The following NAALADL2 variants were observed in gnomAD, a reference collection of about 807,000 sequenced individuals.
NAALADL2 encodes the protein inactive N-acetylated-alpha-linked acidic dipeptidase-like protein 2.
Under a neutral mutation model 87.2 loss-of-function variants are expected in NAALADL2, and 76 were observed. The ratio of observed to expected loss-of-function variants is 0.87; its 90% CI spans 0.72 to 1.05. The LOEUF (loss-of-function observed/expected upper bound fraction) is 1.05, where lower values mean the gene tolerates loss of function less well. Ranked by LOEUF, NAALADL2 falls within the 50% of genes least tolerant of loss-of-function variation. The pLI is 0.00. For synonymous variants in NAALADL2, 354 were observed against 331.0 expected, an observed-to-expected ratio of 1.07 and a Z score of -0.75; for missense variants, 1,089 against 945.8, an observed-to-expected ratio of 1.15 and a Z score of -1.99.
intron 3 of NAALADL2, among the ~76,000 whole-genome samples, chr3:174,756,166 A>T (rs1449334862): frequency 6.6e-6 from 1 of 152,228 alleles, no homozygotes; most frequent in Admixed American, 6.5e-5. Flanking sequence ...TAAACAAATC[A>T]AAATTATAGC....
intron 5 of NAALADL2, among the ~76,000 whole-genome samples, chr3:175,442,562 A>G (rs574732134): frequency 6.6e-6 from 1 of 152,330 alleles, no homozygotes; most frequent in African/African-American, 2.4e-5. Flanking sequence ...TGACAATAGT[A>G]TCGTAGTGAA....
At chr3:175,196,982 T>TA (rs1045079625) in intron 2 of NAALADL2, among the ~76,000 whole-genome samples, 1 of 152,002 alleles carries the variant, frequency 6.6e-6, no homozygotes, top group Non-Finnish European at 1.5e-5. Flanking sequence ...GGTATTGCAC[T>TA]AAAAAATAAG....
At chr3:174,457,923 G>A (rs1715952110) in intron 1 of NAALADL2, among the ~76,000 whole-genome samples, 1 of 152,156 alleles carries the variant, frequency 6.6e-6, no homozygotes, top group Non-Finnish European at 1.5e-5. Flanking sequence ...TCACTTATAA[G>A]TGGGAGCTAA....
At chr3:174,651,239 T>A (rs1724328275) in intron 2 of NAALADL2, among the ~76,000 whole-genome samples, 1 of 152,200 alleles carries the variant, frequency 6.6e-6, no homozygotes, top group African/African-American at 2.4e-5. Context: ...TTAAGTTCCT[T>A]GGTTACCAAC....
intron 1 of NAALADL2, among the ~76,000 whole-genome samples, chr3:174,947,039 T>G (rs1739530561): frequency 6.6e-6 from 1 of 152,154 alleles, no homozygotes; most frequent in Non-Finnish European, 1.5e-5. Context: ...TCACCTCAGC[T>G]CAAAGCCATA....
intron 5 of NAALADL2, among the ~76,000 whole-genome samples, chr3:175,370,396 C>T (rs968356747): frequency 5.3e-5 from 8 of 151,486 alleles, no homozygotes; most frequent in Non-Finnish European, 1.0e-4. Flanking sequence ...ACCATAAAAC[C>T]CCATATAAAA....
chr3:175,607,858 G>A (rs1723983820), intron 10 of NAALADL2, among the ~76,000 whole-genome samples: 2 of 151,666 alleles, frequency 1.3e-5, no homozygotes, highest in Admixed American at 6.6e-5. Flanking sequence ...AGCTAGGAAT[G>A]AGAAACAATG....
intron 9 of NAALADL2, among the ~76,000 whole-genome samples, chr3:175,506,784 A>G (rs1730383216): frequency 6.6e-6 from 1 of 152,212 alleles, no homozygotes; most frequent in Non-Finnish European, 1.5e-5. Context: ...GTCATCATGC[A>G]TAAATATTCT....
intron 2 of NAALADL2, among the ~76,000 whole-genome samples, chr3:174,731,016 T>C (rs1732651963): frequency 6.6e-6 from 1 of 152,146 alleles, no homozygotes; most frequent in South Asian, 2.1e-4. Context: ...TAGGGAGTGC[T>C]AGCTAATTAT....
chr3:175,315,700 T>C (rs1219057562), intron 4 of NAALADL2, among the ~76,000 whole-genome samples: 1 of 152,176 alleles, frequency 6.6e-6, no homozygotes. Context: ...AGTATAAAAT[T>C]AGAGCTGAAA....
chr3:174,589,469 T>C (rs1717119944), intron 2 of NAALADL2, among the ~76,000 whole-genome samples: 1 of 152,206 alleles, frequency 6.6e-6, no homozygotes, highest in African/African-American at 2.4e-5. Flanking sequence ...CTGGGAGCTG[T>C]AGACTGGAGC....
At position 175,143,244 on chromosome 3, in the gene NAALADL2, C is replaced by T. The variant is rs553857320; in HGVS notation, c.545+45953C>T. ...AATAGTGTCCATCTTGCAGTTCGTT[C>T]GCAATATATTTCCCCACGTTTTAGT... is the stretch of plus-strand genomic sequence containing the variant. On this transcript the variant is annotated intron_variant, in intron 2 of 13. Transcript: ENST00000454872. Among the ~76,000 whole-genome samples, 12 of 152,008 alleles carry T rather than the reference C, an allele frequency of 7.9e-5. No homozygotes were observed. The East Asian group carries it at 1.2e-3, about 15-fold the overall frequency.
At chr3:175,246,259 T>C (rs1560224466) in intron 3 of NAALADL2, among the ~76,000 whole-genome samples, 1 of 152,164 alleles carries the variant, frequency 6.6e-6, no homozygotes. Context: ...TATATGATAG[T>C]AGGAAATTTC....
At position 174,953,302 on chromosome 3, in the gene NAALADL2, TCCCCTCCCCTCCCCTCCCCTCCCCTCCC is replaced by T. The variant is rs1740659483; in HGVS notation, c.43+93854_43+93881del. Among the ~76,000 whole-genome samples, 11 of 61,184 alleles carry T rather than the reference TCCCCTCCCCTCCCCTCCCCTCCCCTCCC, an allele frequency of 1.8e-4. 1 individual carries two copies. The highest frequency in any genetic ancestry group is 2.8e-3 in the East Asian group (1 of 356). The allele number at this position is 61,184 out of a possible 152,430, so 40.1% of individuals were successfully genotyped here. A position where few individuals can be genotyped will look rare whatever the true frequency, so the allele number is the denominator to read the frequency against. Reference sequence around the variant, plus strand: ...AGGACCCAATCTTTCTTGCCTCCCCTCCCCTCCCCTCCCCTCCCCTCCCCTCCCCTCCCCTCCCCTCCCCTCCTCTTTC... The same window carrying T: ...AGGACCCAATCTTTCTTGCCTCCCCTCTCCCCTCCCCTCCCCTCCTCTTTC... On this transcript the variant is annotated intron_variant, in intron 1 of 13. Coordinates refer to ENST00000454872, the MANE Select transcript of NAALADL2 (RefSeq NM_207015.3).
At chr3:175,781,346 G>A (rs934402460) in intron 13 of NAALADL2, among the ~76,000 whole-genome samples, 3 of 152,090 alleles carry the variant, frequency 2.0e-5, no homozygotes, top group Non-Finnish European at 4.4e-5. Flanking sequence ...GGTCTCATAA[G>A]ATTATAATGG....
intron 2 of NAALADL2, among the ~76,000 whole-genome samples, chr3:174,713,728 A>C (rs1351633447): frequency 7.3e-5 from 11 of 151,340 alleles, no homozygotes; most frequent in African/African-American, 1.7e-4. Context: ...AGATTGCAAA[A>C]ATTTTCTCCC....
chr3:175,120,755 G>T lies in NAALADL2; in HGVS notation c.545+23464G>T, dbSNP rs540435336. On this transcript the variant is annotated intron_variant, in intron 2 of 13. Coordinates refer to ENST00000454872, the MANE Select transcript of NAALADL2 (RefSeq NM_207015.3). ...TATTGTTTTATTATTGACCCTTTTTGTTCTTTGAAAACCCCAAACAAAACT... is the reference window on the plus strand; with the variant it reads ...TATTGTTTTATTATTGACCCTTTTTTTTCTTTGAAAACCCCAAACAAAACT... Among the ~76,000 whole-genome samples the T allele has an allele frequency of 3.3e-5, 5 of 151,620 alleles. No homozygotes were observed. The East Asian group carries it at 7.8e-4, about 24-fold the overall frequency.
intron 11 of NAALADL2, among the ~76,000 whole-genome samples, chr3:175,697,187 T>C (rs984098260): frequency 6.6e-6 from 1 of 152,052 alleles, no homozygotes; most frequent in African/African-American, 2.4e-5. Context: ...TAAACTGGTC[T>C]CTAGAGGTAG....
At chr3:175,336,408 G>A (rs1399083118) in intron 5 of NAALADL2, among the ~76,000 whole-genome samples, 1 of 152,176 alleles carries the variant, frequency 6.6e-6, no homozygotes, top group Non-Finnish European at 1.5e-5. Flanking sequence ...CTGTGGGATT[G>A]CTGGCATGAA....
Sources: allele counts gnomAD v4.1 joint callset (sites outside exome capture counted in the v4.1 genomes callset), GRCh38; gene constraint gnomAD v4.1.1; transcripts MANE v1.5; gene names NCBI Gene and HGNC (gene_info 2026-07-23, HGNC 2026-07-21).